Variants in WWC1 observed in about 807,000 individuals in gnomAD.
WWC1 encodes protein KIBRA.
In WWC1, 55 loss-of-function variants were observed where a neutral mutation model predicts 138.4. The observed-to-expected ratio is 0.40, with a 90% CI of 0.32 to 0.50. The LOEUF is 0.50. Ranked by LOEUF, WWC1 falls within the 20% of genes least tolerant of loss-of-function variation. WWC1 has a pLI of 0.72. For missense variants in WWC1, 1,226 were observed against 1,420.4 expected, an observed-to-expected ratio of 0.86 and a Z score of 2.20; for synonymous variants, 524 against 564.9, an observed-to-expected ratio of 0.93 and a Z score of 1.03.
At chr5:168,336,237 T>C (rs529506845) in intron 1 of WWC1, among the ~76,000 whole-genome samples, 1 of 152,110 alleles carries the variant, frequency 6.6e-6, no homozygotes. Context: ...TTCTGTAATT[T>C]TGGGTCCAGC....
At position 168,401,459 on chromosome 5, in the gene WWC1, C is replaced by A. The variant is rs140207032; in HGVS notation, c.590+1892C>A. ...CAAATCCACCCTCATCATTCTGTGG[C>A]CATAGCCCCAAGCCTTTGGCTGTCT... On this transcript the variant is annotated intron_variant, in intron 5 of 22. Coordinates refer to ENST00000265293, the MANE Select transcript of WWC1 (RefSeq NM_015238.3). Among the ~76,000 whole-genome samples the A allele has an allele frequency of 3.3e-3, 499 of 152,300 alleles. 3 individuals carry two copies. The highest frequency in any genetic ancestry group is 0.012 in the African/African-American group (480 of 41,568).
At chr5:168,323,542 C>A (rs1772295120) in intron 1 of WWC1, among the ~76,000 whole-genome samples, 1 of 151,722 alleles carries the variant, frequency 6.6e-6, no homozygotes, top group Non-Finnish European at 1.5e-5. Flanking sequence ...ACGAGTGAGA[C>A]CCTGTCTAAA....
rs1384688280 is a variant in WWC1 at position 168,454,017 on chromosome 5, G to A, written c.2575G>A (p.Glu859Lys). The part of the protein sequence containing the change: ...ENEAVAEEEE[E>K]EVEEEEGEED... ...TGAGGCAGTAGCCGAGGAAGAGGAG[G>A]AGGAGGTGGAGGAGGAGGAGGGAGA... is the stretch of plus-strand genomic sequence containing the variant. Residue 859 changes from glutamate (E) to lysine (K), a missense_variant, in exon 18 of 23, where the codon GAG (glutamate) becomes AAG (lysine). By Grantham distance (56) the Glu-to-Lys change is moderately conservative (BLOSUM62 1). Coordinates refer to ENST00000265293, the MANE Select transcript of WWC1 (RefSeq NM_015238.3). 1.3e-6 allele frequency: 2 copies of A among 1,589,006 alleles called. No individual in the cohort carries two copies. The highest frequency in any genetic ancestry group is 1.7e-6 in the Non-Finnish European group (2 of 1,176,606).
At chr5:168,432,092 T>C (rs1264969819) in intron 15 of WWC1, among the ~76,000 whole-genome samples, 2 of 147,666 alleles carry the variant, frequency 1.4e-5, no homozygotes, top group Admixed American at 1.3e-4. Flanking sequence ...AGCAAACACA[T>C]AGGCATTCAC....
chr5:168,423,912 G>A lies in WWC1; in HGVS notation c.1654G>A (p.Ala552Thr), dbSNP rs1277299353. The stretch of plus-strand genomic sequence containing the variant: ...CTCCCCACCCTGTTCCCCTCTCATG[G>A]CTGACCCCCTCCTGGCTGGTGATGC... ...SPSPPCSPLM[A>T]DPLLAGDAFL... Residue 552 changes from alanine to threonine, a missense_variant, in exon 11 of 23, where the codon GCT (alanine) becomes ACT (threonine). By Grantham distance (58) the Ala-to-Thr change is moderately conservative (BLOSUM62 0). Transcript: ENST00000265293. 6.2e-7 allele frequency: 1 copy of A among 1,613,984 alleles called. No homozygotes were observed. The highest frequency in any genetic ancestry group is 2.2e-5 in the East Asian group (1 of 44,888).
intron 17 of WWC1, among the ~76,000 whole-genome samples, chr5:168,448,799 T>A (rs191273033): frequency 3.3e-5 from 5 of 152,102 alleles, no homozygotes; most frequent in African/African-American, 1.2e-4. Context: ...TTTGTGTTTT[T>A]TAGTAGAGAT....
intron 17 of WWC1, among the ~76,000 whole-genome samples, chr5:168,450,981 CAAT>C (rs1755755235): frequency 6.6e-6 from 1 of 152,080 alleles, no homozygotes; most frequent in Admixed American, 6.5e-5. Context: ...TCTTACAACT[CAAT>C]AATAAGACAA....
At chr5:168,403,088 T>TTTTC (rs374311223) in intron 5 of WWC1, among the ~76,000 whole-genome samples, 1,408 of 124,008 alleles carry the variant, frequency 0.011, 62 homozygotes, top group African/African-American at 0.04. Context: ...CTTTTCTTTC[T>TTTTC]TTTCTTTCTT....
intron 1 of WWC1, among the ~76,000 whole-genome samples, chr5:168,331,865 G>C (rs1181308430): frequency 6.6e-6 from 1 of 152,232 alleles, no homozygotes; most frequent in Non-Finnish European, 1.5e-5. Context: ...AAGAAATGCT[G>C]CTGGGCACGG....
At chr5:168,338,167 C>T (rs1346391400) in intron 1 of WWC1, among the ~76,000 whole-genome samples, 10 of 151,496 alleles carry the variant, frequency 6.6e-5, no homozygotes, top group Admixed American at 4.6e-4. Context: ...AAAAATTAGC[C>T]GGGCGTGGTG....
In WWC1 at chr5:168,441,852, G is replaced by A. The variant is rs753194896; in HGVS notation, c.2433+18G>A. ...CCAGCACGGTGAGCTGGGACCAGGT[G>A]TGCCACCTTCCCACAAGGCCGCACC... On this transcript the variant is annotated intron_variant, in intron 16 of 22. Coordinates refer to ENST00000265293, the MANE Select transcript of WWC1 (RefSeq NM_015238.3). 37 of 1,609,488 alleles carry A rather than the reference G, an allele frequency of 2.3e-5. No homozygotes were observed. The highest frequency in any genetic ancestry group is 2.9e-5 in the Non-Finnish European group (34 of 1,177,574).
At chr5:168,464,056 A>G (rs1447844526) in intron 20 of WWC1, among the ~76,000 whole-genome samples, 3 of 152,170 alleles carry the variant, frequency 2.0e-5, no homozygotes, top group Admixed American at 6.5e-5. Context: ...CAGACTGGCC[A>G]GGTTCAGGTC....
At chr5:168,441,599 T>C (rs1321318948) in intron 15 of WWC1, 83 bp from the exon 16 acceptor site, 8 of 1,496,196 alleles carry the variant, frequency 5.3e-6, no homozygotes, top group East Asian at 2.3e-5. Context: ...GTTTTTTCCA[T>C]ACTGTCCTCT....
At chr5:168,391,820 A>G (rs1190995423) in intron 3 of WWC1, among the ~76,000 whole-genome samples, 2 of 146,908 alleles carry the variant, frequency 1.4e-5, no homozygotes, top group Non-Finnish European at 3.0e-5. Context: ...GAGAAGAAAG[A>G]ACAGCAATAA....
rs184896707 is a variant in WWC1, at chr5:168,327,701, T to C, written c.119+35430T>C. Among the ~76,000 whole-genome samples, 44 of 152,292 alleles carry C rather than the reference T, an allele frequency of 2.9e-4. 1 individual carries two copies. Among genetic ancestry groups the C allele is most frequent in the Middle Eastern group, 3.4e-3 (1 of 294 alleles). ...GTGAGACCTTGCTAGGGCTGTTTGA[T>C]TGAAGAATGATGAAAGGCCAGTGCT... On this transcript the variant is annotated intron_variant, in intron 1 of 22. Transcript: ENST00000265293.
intron 1 of WWC1, among the ~76,000 whole-genome samples, chr5:168,324,471 T>G (rs1772369244): frequency 6.6e-6 from 1 of 152,040 alleles, no homozygotes; most frequent in African/African-American, 2.4e-5. Flanking sequence ...CAAAGGAAGA[T>G]GATATCAGGT....
chr5:168,421,281 C>T (rs189581869), intron 9 of WWC1, among the ~76,000 whole-genome samples: 15 of 152,290 alleles, frequency 9.8e-5, no homozygotes, highest in Middle Eastern at 3.4e-3. Flanking sequence ...CCTGCCCACC[C>T]GGCCACAGGG....
chr5:168,422,209 G>A lies in WWC1; in HGVS notation c.1274+112G>A, dbSNP rs796207913. On this transcript the variant is annotated intron_variant, in intron 10 of 22. Coordinates refer to ENST00000265293, the MANE Select transcript of WWC1 (RefSeq NM_015238.3). ...ACTTGTCCTCCGTGGCTTGAGAGTG[G>A]ATGTTTAGAAGCATAGCAAATGGAT... 7 of 1,060,142 alleles carry A rather than the reference G, an allele frequency of 6.6e-6. No homozygotes were observed. In the African/African-American group the frequency reaches 9.5e-5, roughly 14 times the overall value. 65.7% of individuals were successfully genotyped at this position (1,060,142 alleles called of 1,614,324 possible). A position where few individuals can be genotyped will look rare whatever the true frequency, so the allele number is the denominator to read the frequency against.
At chr5:168,313,169 A>G (rs1338023640) in intron 1 of WWC1, among the ~76,000 whole-genome samples, 4 of 152,166 alleles carry the variant, frequency 2.6e-5, no homozygotes, top group African/African-American at 7.2e-5. Flanking sequence ...GGCAGTTCAC[A>G]GGGCCTGGTG....
Sources: allele counts gnomAD v4.1 joint callset (sites outside exome capture counted in the v4.1 genomes callset), GRCh38; gene constraint gnomAD v4.1.1; transcripts MANE v1.5; gene names NCBI Gene and HGNC (gene_info 2026-07-23, HGNC 2026-07-21).